The following SIL1 variants were observed in gnomAD, a reference collection of about 807,000 sequenced individuals.
SIL1 encodes nucleotide exchange factor SIL1.
Under a neutral mutation model 49.1 loss-of-function variants are expected in SIL1, and 40 were observed. That is an observed-to-expected ratio of 0.81 (90% confidence interval 0.63 to 1.06). The LOEUF (loss-of-function observed/expected upper bound fraction) is 1.06, where lower values mean the gene tolerates loss of function less well. Among genes scored for constraint, SIL1 ranks in the 50% least tolerant of loss-of-function variants. The pLI, the probability that SIL1 is intolerant of heterozygous loss-of-function variation, is 0.00. For missense variants in SIL1, 500 were observed against 572.6 expected, an observed-to-expected ratio of 0.87 and a Z score of 1.29; for synonymous variants, 253 against 250.8, an observed-to-expected ratio of 1.01 and a Z score of -0.08.
Position 139,195,400 on chromosome 5 carries a change from T to C in SIL1, c.-11+2869A>G, listed in dbSNP as rs186164761. On this transcript the variant is annotated intron_variant, in intron 1 of 9. Coordinates refer to ENST00000394817, the MANE Select transcript of SIL1 (RefSeq NM_022464.5). ...CCAGTTTTTTTTGTTTTGTTTTGTT[T>C]TGTTTTGAGACGGAGTCTCGCTCTG... is the stretch of plus-strand genomic sequence containing the variant. 1.8e-3 allele frequency among the ~76,000 whole-genome samples: 279 copies of C among 152,264 alleles called. 2 individuals carry two copies. The highest frequency in any genetic ancestry group is 5.1e-3 in the Admixed American group (78 of 15,294).
intron 1 of SIL1, among the ~76,000 whole-genome samples, chr5:139,158,947 C>CAGAG (rs1751455379): frequency 1.3e-5 from 2 of 152,260 alleles, no homozygotes; most frequent in South Asian, 4.2e-4. Flanking sequence ...TGCAGGGAGA[C>CAGAG]TCTCTGACAT....
At chr5:138,961,555 C>T (rs750166972) in intron 7 of SIL1, among the ~76,000 whole-genome samples, 2 of 152,060 alleles carry the variant, frequency 1.3e-5, no homozygotes. Flanking sequence ...AGTAGCTGCA[C>T]AGGCGCCTTT....
chr5:139,142,137 T>C (rs190927055), intron 1 of SIL1, among the ~76,000 whole-genome samples: 1 of 152,336 alleles, frequency 6.6e-6, no homozygotes, highest in Non-Finnish European at 1.5e-5. Context: ...AAAGTTCACC[T>C]GGCCCAACTT....
At chr5:138,967,546 A>G (rs1223505128) in intron 7 of SIL1, among the ~76,000 whole-genome samples, 1 of 152,224 alleles carries the variant, frequency 6.6e-6, no homozygotes, top group Non-Finnish European at 1.5e-5. Context: ...CACTGATCAA[A>G]ATACAATAAA....
Position 139,048,860 on chromosome 5 carries a change from A to C in SIL1, c.353+2078T>G, listed in dbSNP as rs576236363. On this transcript the variant is annotated intron_variant, in intron 4 of 9. Transcript: ENST00000394817. Reference sequence around the variant, plus strand: ...ATTATTTCTTACATGGTTGTTAGAAAGGAGTAATTGTCTGACCTGGGCCAC... The same window carrying C: ...ATTATTTCTTACATGGTTGTTAGAACGGAGTAATTGTCTGACCTGGGCCAC... Among the ~76,000 whole-genome samples, 4 of 152,374 alleles carry C rather than the reference A, an allele frequency of 2.6e-5. No homozygotes were observed. The South Asian group carries it at 8.3e-4, about 32-fold the overall frequency.
intron 9 of SIL1, among the ~76,000 whole-genome samples, chr5:138,950,051 C>T (rs1344253454): frequency 1.3e-5 from 2 of 152,134 alleles, no homozygotes. Context: ...CCGGCAGCCT[C>T]GGGGCAGCCT....
chr5:139,028,728 T>C (rs1229029374), intron 5 of SIL1, among the ~76,000 whole-genome samples: 1 of 152,214 alleles, frequency 6.6e-6, no homozygotes, highest in African/African-American at 2.4e-5. Context: ...ACTAAACACC[T>C]TGTTTGGATT....
At chr5:139,174,937 C>CAAAAAAAAAAAAAAAAAAAAAAAAAAA (rs56959325) in intron 1 of SIL1, among the ~76,000 whole-genome samples, 2 of 59,848 alleles carry the variant, frequency 3.3e-5, no homozygotes, top group African/African-American at 8.0e-5. Flanking sequence ...GACTGTGTCT[C>CAAAAAAAAAAAAAAAAAAAAAAAAAAA]AAAAAAAAAA....
intron 1 of SIL1, among the ~76,000 whole-genome samples, chr5:139,148,385 T>C (rs772590344): frequency 7.9e-5 from 12 of 152,268 alleles, no homozygotes; most frequent in Non-Finnish European, 1.5e-4. Context: ...TGGGTTCCAG[T>C]GGGTGAGCTT....
chr5:139,018,063 C>T (rs771981016), intron 7 of SIL1, among the ~76,000 whole-genome samples: 10 of 152,136 alleles, frequency 6.6e-5, no homozygotes, highest in Non-Finnish European at 8.8e-5. Flanking sequence ...GGAAAATGAA[C>T]GTGTGTGACC....
intron 1 of SIL1, among the ~76,000 whole-genome samples, chr5:139,160,143 TCACACACACACACACACACA>T (rs57028301): frequency 9.6e-4 from 133 of 137,866 alleles, no homozygotes; most frequent in South Asian, 4.3e-3. Flanking sequence ...ATTTCCACAA[TCACACACACACACACACACA>T]CACACACACA....
chr5:138,951,808 G>T lies in SIL1; in HGVS notation c.844C>A (p.Pro282Thr), dbSNP rs779932009. 6.2e-7 allele frequency: 1 copy of T among 1,614,096 alleles called. No homozygotes were observed. The highest frequency in any genetic ancestry group is 8.5e-7 in the Non-Finnish European group (1 of 1,180,016). ...KLLVILATEQ[P>T]LTAKKKVLFA... The stretch of plus-strand genomic sequence containing the variant: ...CACACCTTCTTCTTTGCAGTGAGCG[G>T]CTGCTCCGTGGCCAGGATGACCAGC... The change falls in exon 8 of 10, where the codon CCG becomes ACG. Residue 282 changes from proline to threonine, a missense_variant. Transcript: ENST00000394817.
At chr5:139,187,991 T>TC (rs1196907081) in intron 1 of SIL1, 2 of 153,016 alleles carry the variant, frequency 1.3e-5, no homozygotes. Context: ...CGTGCCAGCT[T>TC]CCCCTTCGCC....
chr5:139,036,828 T>G (rs1206130139), intron 5 of SIL1, among the ~76,000 whole-genome samples: 1 of 152,142 alleles, frequency 6.6e-6, no homozygotes, highest in East Asian at 1.9e-4. Flanking sequence ...AACCTGAACA[T>G]GTACCCCTGA....
intron 3 of SIL1, among the ~76,000 whole-genome samples, chr5:139,082,082 C>T (rs1290029518): frequency 6.6e-6 from 1 of 152,170 alleles, no homozygotes; most frequent in East Asian, 1.9e-4. Flanking sequence ...ATACACACAT[C>T]ATCTTGTTTA....
chr5:139,079,165 T>C (rs959762660), intron 3 of SIL1, among the ~76,000 whole-genome samples: 1 of 152,164 alleles, frequency 6.6e-6, no homozygotes, highest in Non-Finnish European at 1.5e-5. Flanking sequence ...AAACATCAGA[T>C]GAAAAGGGGC....
chr5:139,152,640 G>GA (rs796205706), intron 1 of SIL1, among the ~76,000 whole-genome samples: 47 of 136,248 alleles, frequency 3.4e-4, no homozygotes, highest in South Asian at 2.8e-3. Context: ...AAAAAGAAAA[G>GA]AAAAAAAAAA....
At chr5:138,962,315 T>A (rs929442979) in intron 7 of SIL1, among the ~76,000 whole-genome samples, 1 of 152,118 alleles carries the variant, frequency 6.6e-6, no homozygotes, top group Non-Finnish European at 1.5e-5. Flanking sequence ...TTTTTTTTTT[T>A]TTCCTCTTCA....
At chr5:139,176,136 C>T (rs1403787066) in intron 1 of SIL1, among the ~76,000 whole-genome samples, 1 of 152,238 alleles carries the variant, frequency 6.6e-6, no homozygotes, top group South Asian at 2.1e-4. Context: ...GCTGGGATTA[C>T]AAGCATGAGC....
Sources: gnomAD v4.1 joint callset for allele counts (sites outside exome capture counted in the v4.1 genomes callset) on GRCh38, gnomAD v4.1.1 for gene constraint, MANE v1.5 for transcripts, NCBI Gene and HGNC (gene_info 2026-07-23, HGNC 2026-07-21) for gene names.